Variants in CAPN14 observed in about 807,000 individuals in gnomAD.
CAPN14 encodes calpain 14, also known as calpain-14.
Under a neutral mutation model 101.3 loss-of-function variants are expected in CAPN14, and 94 were observed. That is an observed-to-expected ratio of 0.93 (90% CI 0.79 to 1.10). The LOEUF is 1.10. CAPN14 is among the 50% of genes least tolerant of loss of function. The probability of loss-of-function intolerance (pLI) is 0.00; values close to 1 mark genes in which losing one functional copy is unlikely to be tolerated. For missense variants in CAPN14, 837 were observed against 828.4 expected (o/e 1.01, Z -0.13); for synonymous variants, 338 against 317.9 (o/e 1.06, Z -0.67).
chr2:31,206,375 C>G (rs1424343704), intron 1 of CAPN14, among the ~76,000 whole-genome samples: 2 of 152,164 alleles, frequency 1.3e-5, no homozygotes, highest in Non-Finnish European at 2.9e-5. Flanking sequence ...CGTGGGCGAG[C>G]CGGCAGTGCA....
intron 1 of CAPN14, among the ~76,000 whole-genome samples, chr2:31,215,830 T>C (rs1329560345): frequency 1.5e-5 from 2 of 130,464 alleles, no homozygotes; most frequent in East Asian, 4.7e-4. Context: ...GTAAGTCAAT[T>C]AGAAACATCT....
At chr2:31,217,195 C>T (rs995430316) in intron 1 of CAPN14, among the ~76,000 whole-genome samples, 39 of 152,168 alleles carry the variant, frequency 2.6e-4, no homozygotes, top group African/African-American at 8.0e-4. Flanking sequence ...CCCAAAGATA[C>T]TCCCATCTTT....
intron 3 of CAPN14, 111 bp downstream of exon 3, chr2:31,202,959 C>A: frequency 2.3e-6 from 2 of 858,948 alleles, no homozygotes; most frequent in Non-Finnish European, 3.7e-6. Context: ...CCATTTTGGG[C>A]CTCTCTCCAG....
intron 5 of CAPN14, among the ~76,000 whole-genome samples, chr2:31,201,014 C>G (rs1441122471): frequency 2.0e-5 from 3 of 152,130 alleles, no homozygotes; most frequent in Non-Finnish European, 4.4e-5. Context: ...ACCCTGGACT[C>G]AAGAAAAGGC....
intron 19 of CAPN14, 55 bp from the exon 20 acceptor site, chr2:31,177,197 C>T: frequency 8.0e-7 from 1 of 1,256,952 alleles, no homozygotes; most frequent in Non-Finnish European, 1.1e-6. Context: ...CCCAGCTCCC[C>T]TCCTGCTCAA....
At chr2:31,198,191 C>G (rs1421479876) in intron 7 of CAPN14, among the ~76,000 whole-genome samples, 1 of 152,228 alleles carries the variant, frequency 6.6e-6, no homozygotes, top group Non-Finnish European at 1.5e-5. Context: ...TTTGGAAAGA[C>G]TAACAGAAAC....
rs186519387 is a variant in CAPN14, at chr2:31,209,680, G to A, written c.-52-4181C>T. Reference sequence around the variant, plus strand: ...AAGGAACAGACTCTAGATACACCTTGTGTCAAAATTTACTCCTTCAGGTGG... The same window carrying A: ...AAGGAACAGACTCTAGATACACCTTATGTCAAAATTTACTCCTTCAGGTGG... On this transcript the variant is annotated intron_variant, in intron 1 of 21. Coordinates refer to ENST00000403897, the MANE Select transcript of CAPN14 (RefSeq NM_001145122.2). Among the ~76,000 whole-genome samples, 199 of 152,274 alleles carry A rather than the reference G, an allele frequency of 1.3e-3. 3 individuals carry two copies. Among genetic ancestry groups the A allele is most frequent in the African/African-American group, 4.3e-3 (178 of 41,546 alleles).
intron 16 of CAPN14, among the ~76,000 whole-genome samples, chr2:31,182,573 C>T (rs1199964669): frequency 1.5e-5 from 2 of 130,176 alleles, no homozygotes; most frequent in African/African-American, 3.5e-5. Flanking sequence ...CATGAGTGAA[C>T]TCCCATTCAC....
chr2:31,225,448 G>A (rs1682993198), intron 2 of CAPN14, among the ~76,000 whole-genome samples: 1 of 151,942 alleles, frequency 6.6e-6, no homozygotes, highest in African/African-American at 2.4e-5. Flanking sequence ...GCAATTTGGT[G>A]ATAAGTATCA....
intron 19 of CAPN14, among the ~76,000 whole-genome samples, 176 bp downstream of exon 19, chr2:31,177,570 G>T (rs1313875394): frequency 6.6e-6 from 1 of 152,182 alleles, no homozygotes; most frequent in African/African-American, 2.4e-5. Flanking sequence ...CATCAATGTT[G>T]GCTAGGATCA....
intron 2 of CAPN14, 147 bp downstream of exon 2, chr2:31,205,076 C>T (rs1681999479): frequency 1.5e-6 from 1 of 671,414 alleles, no homozygotes; most frequent in Admixed American, 2.7e-5. Context: ...ACCTCCTACA[C>T]ATCTGGTGTT....
chr2:31,205,464 A>G lies in CAPN14; in HGVS notation c.-17T>C. The G allele has an allele frequency of 6.5e-7, 1 of 1,539,642 alleles. No homozygotes were observed. The highest frequency in any genetic ancestry group is 8.8e-7 in the Non-Finnish European group (1 of 1,136,110). On this transcript the variant is annotated 5_prime_UTR_variant, in exon 2 of 22. Transcript: ENST00000403897. ...CAGAGACATGGCAGGTGGTGGGTAC[A>G]GTCCAGTGAGTCTTCCTGAGGAGTC...
At position 31,229,413 on chromosome 2, in the gene CAPN14, T is replaced by A. The variant is rs571053464; in HGVS notation, c.-176-2762A>T. Among the ~76,000 whole-genome samples the A allele has an allele frequency of 2.7e-3, 406 of 152,266 alleles. 3 individuals are homozygous for A. The highest frequency in any genetic ancestry group is 9.0e-3 in the African/African-American group (376 of 41,556). On this transcript the variant is annotated intron_variant and NMD_transcript_variant, in intron 1 of 21. Coordinates refer to the CAPN14 transcript ENST00000398824. ...GTGCATCCAAGGACCAGATTTTTTT[T>A]AAAATAAAGGATAAAAGGAATAAGA...
chr2:31,197,211 A>G (rs1451371666), intron 8 of CAPN14, 38 bp downstream of exon 8: 1 of 1,413,226 alleles, frequency 7.1e-7, no homozygotes, highest in East Asian at 2.5e-5. Context: ...TGCCTAACCT[A>G]CCTGTTCTCA....
At chr2:31,219,161 C>T (rs1005406746), upstream of CAPN14, among the ~76,000 whole-genome samples, 7 of 152,124 alleles carry the variant, frequency 4.6e-5, no homozygotes, top group African/African-American at 1.7e-4. Context: ...ATGGTCACCA[C>T]TGGGCTTACC....
At chr2:31,191,477 C>G in intron 11 of CAPN14, 70 bp from the exon 12 acceptor site, 1 of 1,469,460 alleles carries the variant, frequency 6.8e-7, no homozygotes, top group South Asian at 1.3e-5. Context: ...AGCAGGGAAT[C>G]TGGCTCTTTC....
rs1188984045 is a variant in CAPN14 at position 31,173,702 on chromosome 2, C to G, written c.*979G>C. 2.0e-5 allele frequency: 3 copies of G among 152,062 alleles called. No homozygotes were observed. Among genetic ancestry groups the G allele is most frequent in the African/African-American group, 7.2e-5 (3 of 41,398 alleles). The allele number at this position is 152,062 out of a possible 1,614,324, so 9.4% of individuals were successfully genotyped here. On this transcript the variant is annotated 3_prime_UTR_variant, in exon 22 of 22. Coordinates refer to ENST00000403897, the MANE Select transcript of CAPN14 (RefSeq NM_001145122.2). ...GGTTTTCAGATTTGGGATGCTCAAC[C>G]TGTAGTAATAAATGGCTCTGAGGTG...
chr2:31,214,464 G>A (rs1682543793), intron 1 of CAPN14, among the ~76,000 whole-genome samples: 1 of 152,140 alleles, frequency 6.6e-6, no homozygotes, highest in African/African-American at 2.4e-5. Flanking sequence ...CCACGTCAAA[G>A]CAACCTGGGG....
chr2:31,224,239 C>T (rs1682952631), intron 2 of CAPN14, among the ~76,000 whole-genome samples: 1 of 152,140 alleles, frequency 6.6e-6, no homozygotes, highest in Non-Finnish European at 1.5e-5. Flanking sequence ...ACCATCTACC[C>T]AGGCTCCCAG....
Sources: gnomAD v4.1 joint callset for allele counts (sites outside exome capture counted in the v4.1 genomes callset) on GRCh38, gnomAD v4.1.1 for gene constraint, MANE v1.5 for transcripts, NCBI Gene and HGNC (gene_info 2026-07-23, HGNC 2026-07-21) for gene names.